The following ARHGEF18 variants were observed in gnomAD, a reference collection of about 807,000 sequenced individuals.
ARHGEF18 encodes the protein Rho/Rac guanine nucleotide exchange factor 18.
ARHGEF18 carries 93 observed loss-of-function variants against 155.7 expected under a neutral mutation model. That is an observed-to-expected ratio of 0.60 (90% CI 0.50 to 0.71). The LOEUF is 0.71. Ranked by LOEUF, ARHGEF18 falls within the 30% of genes least tolerant of loss-of-function variation. ARHGEF18 has a pLI of 0.00. For missense variants in ARHGEF18, 1,593 were observed against 1,816.1 expected (o/e 0.88, Z 2.23); for synonymous variants, 742 against 753.1 (o/e 0.99, Z 0.24).
chr19:7,353,957 T>TAAA (rs587629242), intron 1 of ARHGEF18, among the ~76,000 whole-genome samples: 70 of 136,308 alleles, frequency 5.1e-4, no homozygotes, highest in East Asian at 2.4e-3. Flanking sequence ...AGACTCTGTC[T>TAAA]AAAAAAAAAA....
At chr19:7,427,736 A>G (rs1023619421) in intron 10 of ARHGEF18, among the ~76,000 whole-genome samples, 1 of 152,032 alleles carries the variant, frequency 6.6e-6, no homozygotes, top group Non-Finnish European at 1.5e-5. Flanking sequence ...TCTTGAGCTC[A>G]GGAATTCAAC....
intron 15 of ARHGEF18, among the ~76,000 whole-genome samples, chr19:7,448,834 G>A (rs956506474): frequency 3.9e-5 from 6 of 152,012 alleles, no homozygotes; most frequent in Non-Finnish European, 5.9e-5. Flanking sequence ...CACCTCCCAC[G>A]TCCTAGAAAC....
rs1293925638 is a variant in ARHGEF18 at position 7,470,743 on chromosome 19, G to A, written c.*445G>A. On this transcript the variant is annotated 3_prime_UTR_variant, in exon 29 of 29. Transcript: ENST00000668164. This position sits in a 1 kb window ranked among gnomAD's most constrained non-coding sequence, Gnocchi z 5.9. ...CGGGGCCACGCTCCACAGCCGCCGC[G>A]CGACAGTGGAGCCAAGGGTTAGGGC... 1.2e-5 allele frequency: 5 copies of A among 400,826 alleles called. No individual in the cohort carries two copies. The Admixed American group carries it at 1.3e-4, about 11-fold the overall frequency. 24.8% of individuals were successfully genotyped at this position (400,826 alleles called of 1,614,324 possible). A position where few individuals can be genotyped will look rare whatever the true frequency, so the allele number is the denominator to read the frequency against.
chr19:7,353,368 C>A (rs973698452), intron 1 of ARHGEF18, among the ~76,000 whole-genome samples: 5 of 151,782 alleles, frequency 3.3e-5, no homozygotes, highest in African/African-American at 1.2e-4. Flanking sequence ...GTGGTTGGAT[C>A]ACCTGAGGTC....
At chr19:7,419,442 C>T (rs1245485948) in intron 10 of ARHGEF18, among the ~76,000 whole-genome samples, 1 of 151,972 alleles carries the variant, frequency 6.6e-6, no homozygotes, top group Non-Finnish European at 1.5e-5. Context: ...TCCCCCCACA[C>T]CCCAGGTGCA....
At chr19:7,373,387 A>C (rs969437127) in intron 3 of ARHGEF18, among the ~76,000 whole-genome samples, 3 of 152,020 alleles carry the variant, frequency 2.0e-5, no homozygotes, top group African/African-American at 7.2e-5. Flanking sequence ...GTTTTCCTGC[A>C]CTAGACAGTC....
intron 10 of ARHGEF18, among the ~76,000 whole-genome samples, chr19:7,398,227 G>A (rs1416373089): frequency 2.6e-5 from 4 of 151,754 alleles, no homozygotes; most frequent in Non-Finnish European, 5.9e-5. Context: ...GTGCCACCAC[G>A]CCCAGCTAAT....
chr19:7,382,710 G>A, intron 8 of ARHGEF18, 82 bp from the exon 9 acceptor site: 3 of 1,006,866 alleles, frequency 3.0e-6, no homozygotes, highest in Non-Finnish European at 2.6e-6. Flanking sequence ...ACAGGTTGCA[G>A]GTGGATTCCT....
At chr19:7,451,022 T>G (rs200750320) in intron 15 of ARHGEF18, 127 bp from the exon 16 acceptor site, 3 of 456,214 alleles carry the variant, frequency 6.6e-6, no homozygotes, top group African/African-American at 8.8e-5. Context: ...GATGTTAATA[T>G]GGGATCTTGC....
intron 10 of ARHGEF18, among the ~76,000 whole-genome samples, chr19:7,431,548 G>C (rs961536155): frequency 2.0e-5 from 3 of 149,032 alleles, no homozygotes; most frequent in African/African-American, 7.5e-5. Flanking sequence ...GGGCTCAGTG[G>C]CTCACGCCTT....
chr19:7,433,357 C>G (rs1445255524), intron 10 of ARHGEF18, among the ~76,000 whole-genome samples: 2 of 151,740 alleles, frequency 1.3e-5, no homozygotes, highest in Non-Finnish European at 2.9e-5. Flanking sequence ...GTCCCAGCTA[C>G]TCGGGAGGCT....
intron 10 of ARHGEF18, among the ~76,000 whole-genome samples, chr19:7,394,813 C>A (rs1423793039): frequency 1.3e-5 from 2 of 152,136 alleles, no homozygotes; most frequent in African/African-American, 2.4e-5. Flanking sequence ...TGGATCCCCG[C>A]AACCCAGCTG....
At chr19:7,377,052 A>G (rs1458275950) in intron 5 of ARHGEF18, among the ~76,000 whole-genome samples, 1 of 150,806 alleles carries the variant, frequency 6.6e-6, no homozygotes, top group Non-Finnish European at 1.5e-5. Context: ...CTTGTCCCCA[A>G]GATTCTCTCT....
At chr19:7,477,707 T>C in the ARHGEF18 span, among the ~76,000 whole-genome samples, 1 of 152,084 alleles carries the variant, frequency 6.6e-6, no homozygotes, top group Non-Finnish European at 1.5e-5. Context: ...GGATTCCTTG[T>C]GAAAAACAGA....
At chr19:7,473,394 G>C (rs1343549235), downstream of ARHGEF18, 3 of 424,864 alleles carry the variant, frequency 7.1e-6, no homozygotes, top group African/African-American at 4.1e-5. Flanking sequence ...CGGGCACAGT[G>C]GCTCATCCCT....
chr19:7,413,224 G>T (rs1242919830), intron 10 of ARHGEF18, among the ~76,000 whole-genome samples: 1 of 151,662 alleles, frequency 6.6e-6, no homozygotes, highest in East Asian at 1.9e-4. Flanking sequence ...TTGAGCCCAG[G>T]AGTTCAAAAC....
At chr19:7,430,271 G>A (rs979947656) in intron 10 of ARHGEF18, among the ~76,000 whole-genome samples, 120 of 152,006 alleles carry the variant, frequency 7.9e-4, no homozygotes, top group African/African-American at 2.5e-3. Flanking sequence ...GCATGATCAT[G>A]GCTCACTGCA....
intron 10 of ARHGEF18, among the ~76,000 whole-genome samples, chr19:7,413,450 C>T (rs928469087): frequency 2.6e-5 from 4 of 151,958 alleles, no homozygotes; most frequent in Non-Finnish European, 4.4e-5. Flanking sequence ...TACAGGCGCC[C>T]GCCACCATGC....
chr19:7,351,385 AC>A (rs2145305998), intron 1 of ARHGEF18, among the ~76,000 whole-genome samples: 1 of 151,800 alleles, frequency 6.6e-6, no homozygotes, highest in South Asian at 2.1e-4. Flanking sequence ...GTGCAGTGGC[AC>A]GATCTCGGCT....
Sources: allele counts gnomAD v4.1 joint callset (sites outside exome capture counted in the v4.1 genomes callset), GRCh38; gene constraint gnomAD v4.1.1; non-coding constraint Gnocchi (gnomAD v3.1); transcripts MANE v1.5; gene names NCBI Gene and HGNC (gene_info 2026-07-23, HGNC 2026-07-21).